Variants in GRIA3 observed in about 807,000 individuals in gnomAD.
The protein encoded by GRIA3 is glutamate ionotropic receptor AMPA type subunit 3.
In GRIA3, 3 loss-of-function variants were observed where a neutral mutation model predicts 63.0. That is an observed-to-expected ratio of 0.05 (90% confidence interval 0.02 to 0.12). The LOEUF is 0.12. GRIA3 is among the 10% of genes least tolerant of loss of function. The pLI, the probability that GRIA3 is intolerant of heterozygous loss-of-function variation, is 1.00. For synonymous variants in GRIA3, 274 were observed against 257.9 expected, an observed-to-expected ratio of 1.06 and a Z score of -0.60; for missense variants, 347 against 700.9, an observed-to-expected ratio of 0.50 and a Z score of 5.70.
chrX:123,398,630 T>A lies in GRIA3; in HGVS notation c.913-6T>A, dbSNP rs747700475. The A allele has an allele frequency of 1.7e-6, 2 of 1,194,344 alleles. No individual in the cohort carries two copies. The highest frequency in any genetic ancestry group is 2.3e-6 in the Non-Finnish European group (2 of 882,000). The stretch of plus-strand genomic sequence containing the variant: ...TGATATCTTGTTTTTCATGCATCCA[T>A]TTCAGTATACATCTGCATTGACACA... On this transcript the variant is annotated splice_polypyrimidine_tract_variant and splice_region_variant and intron_variant, in intron 6 of 15. Transcript: ENST00000620443.
At chrX:123,432,787 A>T (rs2045625330) in intron 12 of GRIA3, among the ~76,000 whole-genome samples, 1 of 112,156 alleles carries the variant, frequency 8.9e-6, no homozygotes. Context: ...GGTTTGACAA[A>T]GGTTTTCAGC....
chrX:123,294,359 G>A (rs1232776903), intron 3 of GRIA3, among the ~76,000 whole-genome samples: 1 of 111,343 alleles, frequency 9.0e-6, no homozygotes, highest in African/African-American at 3.3e-5. Context: ...CATGTCACTA[G>A]CCAGTAGTGA....
chrX:123,401,122 C>A (rs2045441208), intron 7 of GRIA3, among the ~76,000 whole-genome samples: 1 of 111,429 alleles, frequency 9.0e-6, no homozygotes, highest in African/African-American at 3.3e-5. Flanking sequence ...GAAGGGATCC[C>A]AGACGGGATG....
At chrX:123,200,279 T>C (rs1040663025) in intron 2 of GRIA3, among the ~76,000 whole-genome samples, 4 of 110,509 alleles carry the variant, frequency 3.6e-5, no homozygotes, top group Admixed American at 9.7e-5. Flanking sequence ...TTTCTGCTCA[T>C]TGTCAACAAA....
At chrX:123,204,466 T>C (rs768855103) in intron 2 of GRIA3, 84 of 1,157,898 alleles carry the variant, frequency 7.3e-5, no homozygotes, top group Non-Finnish European at 9.5e-5. Flanking sequence ...CCTTCTTGAG[T>C]TCTCAACTGA....
chrX:123,407,348 A>G (rs1382827338), intron 10 of GRIA3, among the ~76,000 whole-genome samples: 1 of 111,771 alleles, frequency 8.9e-6, no homozygotes, highest in Non-Finnish European at 1.9e-5. Flanking sequence ...CAAACAGTTT[A>G]CAGTGACTAT....
chrX:123,208,482 C>A (rs1206025340), intron 2 of GRIA3, among the ~76,000 whole-genome samples: 1 of 112,446 alleles, frequency 8.9e-6, no homozygotes, highest in African/African-American at 3.2e-5. Flanking sequence ...CAAGGAAACT[C>A]AGAGGATAAT....
rs371039447 is a variant in GRIA3, at chrX:123,431,408, G to T, written c.2076+3269G>T. ...ACAATCCCATGATCAGTGGAACAGA[G>T]GGACCTGTTCCGTCAGGAAAGGCAG... On this transcript the variant is annotated intron_variant, in intron 12 of 15. Transcript: ENST00000620443. 4.5e-5 allele frequency among the ~76,000 whole-genome samples: 5 copies of T among 112,158 alleles called. No homozygotes were observed. In the East Asian group the frequency reaches 1.4e-3, roughly 31 times the overall value.
intron 12 of GRIA3, among the ~76,000 whole-genome samples, chrX:123,463,391 A>G (rs1346551858): frequency 9.4e-6 from 1 of 106,838 alleles, no homozygotes; most frequent in African/African-American, 3.5e-5. Flanking sequence ...CTACAAAAAA[A>G]TAAACAAAAT....
chrX:123,188,535 C>T (rs750153526), intron 2 of GRIA3, among the ~76,000 whole-genome samples: 1 of 110,983 alleles, frequency 9.0e-6, no homozygotes, highest in Non-Finnish European at 1.9e-5. Flanking sequence ...CAAATGATTG[C>T]CCTGATTGTG....
chrX:123,396,924 A>G (rs1408860050), intron 6 of GRIA3, among the ~76,000 whole-genome samples: 1 of 112,129 alleles, frequency 8.9e-6, no homozygotes, highest in African/African-American at 3.2e-5. Context: ...CATTTATTCA[A>G]TATTTTAGTG....
chrX:123,207,780 G>C (rs1927931192), intron 2 of GRIA3, among the ~76,000 whole-genome samples: 1 of 111,368 alleles, frequency 9.0e-6, no homozygotes, highest in Admixed American at 9.6e-5. Context: ...GGGAACTGGG[G>C]TGCTAGTCAT....
rs753630077 is a variant in GRIA3, at chrX:123,350,480, T to C, written c.697-4430T>C. Among the ~76,000 whole-genome samples, 3 of 112,202 alleles carry C rather than the reference T, an allele frequency of 2.7e-5. No homozygotes were observed. The South Asian group carries it at 1.1e-3, about 42-fold the overall frequency. On this transcript the variant is annotated intron_variant, in intron 4 of 15. Transcript: ENST00000620443. ...TTGCCTCCCAACGGATCTGTGGGCCTCTCTCAAGTAGTCTTGTGGAGCAAT... is the reference window on the plus strand; with the variant it reads ...TTGCCTCCCAACGGATCTGTGGGCCCCTCTCAAGTAGTCTTGTGGAGCAAT...
intron 2 of GRIA3, among the ~76,000 whole-genome samples, chrX:123,191,694 C>T (rs947547769): frequency 3.6e-5 from 4 of 110,973 alleles, no homozygotes; most frequent in African/African-American, 3.3e-5. Flanking sequence ...TTTTCTACCC[C>T]GGACTTTTCC....
At chrX:123,291,895 T>C (rs944228684) in intron 3 of GRIA3, among the ~76,000 whole-genome samples, 4 of 111,205 alleles carry the variant, frequency 3.6e-5, no homozygotes, top group Non-Finnish European at 7.6e-5. Context: ...AGGAGAGCTC[T>C]GGCTGCCCTT....
At chrX:123,262,798 T>G (rs890326717) in intron 3 of GRIA3, among the ~76,000 whole-genome samples, 1 of 111,450 alleles carries the variant, frequency 9.0e-6, no homozygotes, top group Non-Finnish European at 1.9e-5. Context: ...GAAGGCTTAA[T>G]GGAAGAAGTT....
intron 2 of GRIA3, among the ~76,000 whole-genome samples, chrX:123,228,597 T>C (rs886130486): frequency 9.0e-6 from 1 of 111,618 alleles, no homozygotes; most frequent in African/African-American, 3.3e-5. Context: ...CACCATTGAG[T>C]GTACTGCCTG....
chrX:123,260,969 C>T (rs779138160), intron 3 of GRIA3, among the ~76,000 whole-genome samples: 2 of 111,593 alleles, frequency 1.8e-5, no homozygotes, highest in African/African-American at 3.3e-5. Context: ...AGAATTTCAT[C>T]GAAAATGAAA....
chrX:123,191,780 G>A (rs1927441978), intron 2 of GRIA3, among the ~76,000 whole-genome samples: 1 of 110,886 alleles, frequency 9.0e-6, no homozygotes, highest in Admixed American at 9.6e-5. Context: ...GATGTAGAGT[G>A]CAGTACGGCC....
Sources: gnomAD v4.1 joint callset for allele counts (sites outside exome capture counted in the v4.1 genomes callset) on GRCh38, gnomAD v4.1.1 for gene constraint, MANE v1.5 for transcripts, NCBI Gene and HGNC (gene_info 2026-07-23, HGNC 2026-07-21) for gene names.